The following KCTD8 variants were observed in gnomAD, a reference collection of about 807,000 sequenced individuals.
KCTD8 encodes BTB/POZ domain-containing protein KCTD8.
Under a neutral mutation model 31.5 loss-of-function variants are expected in KCTD8, and 27 were observed. The ratio of observed to expected loss-of-function variants is 0.86; its 90% CI spans 0.63 to 1.18. The LOEUF (loss-of-function observed/expected upper bound fraction) is 1.18. KCTD8 is among the 50% of genes most tolerant of loss of function. The pLI, the probability that KCTD8 is intolerant of heterozygous loss-of-function variation, is 0.00. For missense variants in KCTD8, 658 were observed against 647.7 expected, an observed-to-expected ratio of 1.02 and a Z score of -0.17; for synonymous variants, 290 against 280.0, an observed-to-expected ratio of 1.04 and a Z score of -0.36.
intron 1 of KCTD8, among the ~76,000 whole-genome samples, chr4:44,285,939 G>A (rs920419958): frequency 3.3e-5 from 5 of 151,966 alleles, no homozygotes; most frequent in African/African-American, 4.8e-5. Context: ...ATTAACAGGA[G>A]TTAATATTAA....
intron 1 of KCTD8, among the ~76,000 whole-genome samples, chr4:44,277,846 G>A (rs1445746551): frequency 6.6e-6 from 1 of 151,846 alleles, no homozygotes; most frequent in Non-Finnish European, 1.5e-5. Context: ...TTTGGACCAA[G>A]ATATTCCTGA....
At chr4:44,417,193 G>A (rs1342975200) in intron 1 of KCTD8, among the ~76,000 whole-genome samples, 1 of 152,106 alleles carries the variant, frequency 6.6e-6, no homozygotes, top group Non-Finnish European at 1.5e-5. Flanking sequence ...AGTACTTCTG[G>A]CTTTTCGCCC....
chr4:44,414,129 G>A (rs764739467), intron 1 of KCTD8, among the ~76,000 whole-genome samples: 1 of 151,926 alleles, frequency 6.6e-6, no homozygotes, highest in Non-Finnish European at 1.5e-5. Flanking sequence ...TTTGTTTTAA[G>A]CCACTAAATT....
chr4:44,298,334 G>C (rs932949175), intron 1 of KCTD8, among the ~76,000 whole-genome samples: 4 of 151,940 alleles, frequency 2.6e-5, no homozygotes, highest in Admixed American at 2.6e-4. Flanking sequence ...ACTTGAAATG[G>C]ATCGATATTT....
intron 1 of KCTD8, among the ~76,000 whole-genome samples, chr4:44,321,957 T>C (rs1718307268): frequency 6.6e-6 from 1 of 152,054 alleles, no homozygotes. Context: ...CTGAATAATA[T>C]TTCATTGTGC....
chr4:44,176,860 C>CATCTATCT (rs58202328), intron 1 of KCTD8, among the ~76,000 whole-genome samples: 29,903 of 148,298 alleles, frequency 0.2, 3,130 homozygotes, highest in African/African-American at 0.23. Flanking sequence ...TATATGTCTA[C>CATCTATCT]ATCTATCTAT....
intron 1 of KCTD8, among the ~76,000 whole-genome samples, chr4:44,387,285 T>A (rs1720249629): frequency 6.6e-6 from 1 of 151,878 alleles, no homozygotes; most frequent in Middle Eastern, 3.2e-3. Context: ...TTTGTTAAAA[T>A]GTCCATACTG....
At chr4:44,264,179 C>G (rs1716265021) in intron 1 of KCTD8, among the ~76,000 whole-genome samples, 1 of 149,462 alleles carries the variant, frequency 6.7e-6, no homozygotes, top group Non-Finnish European at 1.5e-5. Flanking sequence ...GTTATTAGTC[C>G]TAAATAATAA....
intron 1 of KCTD8, among the ~76,000 whole-genome samples, chr4:44,414,263 C>A (rs1260604805): frequency 1.3e-5 from 2 of 151,570 alleles, no homozygotes; most frequent in Non-Finnish European, 2.9e-5. Flanking sequence ...AGAAAAGAGA[C>A]CCTGAAGTAT....
chr4:44,291,667 G>A (rs1460524971), intron 1 of KCTD8, among the ~76,000 whole-genome samples: 1 of 151,982 alleles, frequency 6.6e-6, no homozygotes, highest in East Asian at 1.9e-4. Flanking sequence ...CAAGAGAAAT[G>A]ATCAACAGTG....
At chr4:44,184,970 G>T (rs972818946) in intron 1 of KCTD8, among the ~76,000 whole-genome samples, 5 of 152,268 alleles carry the variant, frequency 3.3e-5, no homozygotes, top group Admixed American at 1.3e-4. Flanking sequence ...TACTATAATA[G>T]TAATGTGCAT....
intron 1 of KCTD8, among the ~76,000 whole-genome samples, chr4:44,217,062 T>C (rs944721596): frequency 2.0e-5 from 3 of 152,170 alleles, no homozygotes; most frequent in Non-Finnish European, 4.4e-5. Flanking sequence ...ACTCTATGAA[T>C]GATAGAGGAT....
intron 1 of KCTD8, among the ~76,000 whole-genome samples, chr4:44,379,498 T>G (rs1720004718): frequency 6.6e-6 from 1 of 152,104 alleles, no homozygotes; most frequent in Admixed American, 6.6e-5. Flanking sequence ...TTATTTAATT[T>G]GGAAATTTTG....
chr4:44,317,530 C>T (rs1428692973), intron 1 of KCTD8, among the ~76,000 whole-genome samples: 8 of 141,050 alleles, frequency 5.7e-5, no homozygotes, highest in African/African-American at 1.6e-4. Flanking sequence ...TGAGCCACCG[C>T]GCCCGGCCCG....
intron 1 of KCTD8, among the ~76,000 whole-genome samples, chr4:44,385,870 C>G (rs1720198884): frequency 6.6e-6 from 1 of 151,360 alleles, no homozygotes; most frequent in African/African-American, 2.4e-5. Flanking sequence ...ATTAAAAAAA[C>G]TTGATTAAAC....
intron 1 of KCTD8, among the ~76,000 whole-genome samples, chr4:44,431,097 G>A (rs781404751): frequency 5.3e-5 from 8 of 151,544 alleles, no homozygotes; most frequent in Admixed American, 2.0e-4. Context: ...TTTACGATAC[G>A]TAAGAATAGG....
At chr4:44,212,674 C>A (rs1365683814) in intron 1 of KCTD8, among the ~76,000 whole-genome samples, 1 of 152,018 alleles carries the variant, frequency 6.6e-6, no homozygotes, top group African/African-American at 2.4e-5. Context: ...TTAGACTATA[C>A]CTGGTACTTC....
intron 1 of KCTD8, among the ~76,000 whole-genome samples, chr4:44,251,379 C>T (rs564319471): frequency 5.9e-5 from 9 of 151,540 alleles, no homozygotes; most frequent in South Asian, 2.1e-4. Context: ...CTGGTAGATT[C>T]GAAATAATTT....
At chr4:44,285,124 A>C (rs1437553241) in intron 1 of KCTD8, among the ~76,000 whole-genome samples, 9 of 152,214 alleles carry the variant, frequency 5.9e-5, no homozygotes, top group Non-Finnish European at 1.3e-4. Context: ...ATTACTGGGC[A>C]TATACCCAAA....
Sources: gnomAD v4.1 joint callset for allele counts (sites outside exome capture counted in the v4.1 genomes callset) on GRCh38, gnomAD v4.1.1 for gene constraint, MANE v1.5 for transcripts, NCBI Gene and HGNC (gene_info 2026-07-23, HGNC 2026-07-21) for gene names.